The following MICAL2 variants were observed in gnomAD, a reference collection of about 807,000 sequenced individuals.
The protein encoded by MICAL2 is [F-actin]-monooxygenase MICAL2.
MICAL2 carries 77 observed loss-of-function variants against 127.3 expected under a neutral mutation model. That is an observed-to-expected ratio of 0.60 (90% CI 0.50 to 0.73). MICAL2 has a LOEUF of 0.73. Among genes scored for constraint, MICAL2 ranks in the 30% least tolerant of loss-of-function variants. MICAL2 has a pLI of 0.00. For missense variants in MICAL2, 1,351 were observed against 1,434.4 expected (o/e 0.94, Z 0.94); for synonymous variants, 570 against 551.1 (o/e 1.03, Z -0.48).
intron 16 of MICAL2, 58 bp from the exon 17 acceptor site, chr11:12,239,378 C>T: frequency 3.1e-6 from 5 of 1,610,472 alleles, no homozygotes; most frequent in Non-Finnish European, 4.2e-6. Flanking sequence ...CCCAAGTCTG[C>T]TTTCTGATAT....
intron 3 of MICAL2, among the ~76,000 whole-genome samples, chr11:12,188,087 C>T (rs1443995920): frequency 3.3e-5 from 5 of 152,176 alleles, no homozygotes; most frequent in Admixed American, 6.5e-5. Flanking sequence ...TCACAAGCCA[C>T]GTGGCTAGGG....
chr11:12,291,353 G>A (rs1271969225), downstream of MICAL2, among the ~76,000 whole-genome samples: 7 of 152,088 alleles, frequency 4.6e-5, no homozygotes, highest in Admixed American at 4.6e-4. Context: ...GAGAGGGAGA[G>A]GAAGACAGTG....
chr11:12,174,746 C>A (rs112159174), intron 3 of MICAL2, among the ~76,000 whole-genome samples: 5 of 152,210 alleles, frequency 3.3e-5, no homozygotes, highest in African/African-American at 1.2e-4. Flanking sequence ...TTTTGAGGAA[C>A]CACCAAACTG....
chr11:12,111,973 T>C (rs1391142608), intron 1 of MICAL2, among the ~76,000 whole-genome samples: 10 of 152,242 alleles, frequency 6.6e-5, no homozygotes. Flanking sequence ...GACGGACTTA[T>C]TAAGTGCCTA....
Position 12,345,223 on chromosome 11 carries a change from A to G in MICAL2, c.5516-4615A>G, listed in dbSNP as rs1938935729. On this transcript the variant is annotated intron_variant, in intron 32 of 34. Coordinates refer to the MICAL2 transcript ENST00000646065. ...TGTTTCGTGAGAAGCTGTGAAAAACAAATGTCATTTCTTTTTCTGGATGGA... is the reference window on the plus strand; with the variant it reads ...TGTTTCGTGAGAAGCTGTGAAAAACGAATGTCATTTCTTTTTCTGGATGGA... 2.0e-5 allele frequency among the ~76,000 whole-genome samples: 3 copies of G among 152,372 alleles called. No individual in the cohort carries two copies. The South Asian group carries it at 6.2e-4, about 32-fold the overall frequency.
chr11:12,311,458 C>T (rs879331967), intron 29 of MICAL2, among the ~76,000 whole-genome samples: 1 of 152,000 alleles, frequency 6.6e-6, no homozygotes. Flanking sequence ...GTTGCCCAGG[C>T]TGGAGTGCAG....
In MICAL2 at chr11:12,241,115, A is replaced by G; in HGVS notation, c.2290A>G (p.Lys764Glu). 1 of 1,614,052 alleles carries G rather than the reference A, an allele frequency of 6.2e-7. No homozygotes were observed. The highest frequency in any genetic ancestry group is 8.5e-7 in the Non-Finnish European group (1 of 1,180,004). Residue 764 changes from lysine (K) to glutamate (E), a missense_variant, in exon 18 of 28, where the codon AAG becomes GAG. Lys to Glu is a moderately conservative substitution (Grantham distance 56). Coordinates refer to ENST00000683283, the MANE Select transcript of MICAL2 (RefSeq NM_001282663.2). ...CCCTCCTGTTCACTCTTGCTGCCCC[A>G]AGCCGGAGGAGGCCACACCCAGCCC... is the stretch of plus-strand genomic sequence containing the variant. ...SGPPVHSCCP[K>E]PEEATPSPSP...
At chr11:12,237,754 C>G (rs1484517395) in intron 16 of MICAL2, among the ~76,000 whole-genome samples, 1 of 152,190 alleles carries the variant, frequency 6.6e-6, no homozygotes, top group Non-Finnish European at 1.5e-5. Flanking sequence ...GATCCAGGAG[C>G]AGCAGCAGCA....
At chr11:12,258,914 A>G (rs1590685398) in intron 25 of MICAL2, among the ~76,000 whole-genome samples, 1 of 152,242 alleles carries the variant, frequency 6.6e-6, no homozygotes, top group East Asian at 1.9e-4. Flanking sequence ...GTTTGCAAGA[A>G]TGCCTGGTAT....
intron 15 of MICAL2, among the ~76,000 whole-genome samples, chr11:12,232,411 T>C (rs1858411225): frequency 6.6e-6 from 1 of 152,190 alleles, no homozygotes; most frequent in South Asian, 2.1e-4. Flanking sequence ...AAGCCAGAAG[T>C]AGAACTCAGA....
upstream of MICAL2, chr11:12,274,409 CAAT>C (rs1329760685): frequency 6.6e-6 from 1 of 151,934 alleles, no homozygotes; most frequent in Non-Finnish European, 1.5e-5. Context: ...AAGAAAGAGA[CAAT>C]AAACAAAATG....
At chr11:12,347,282 G>T (rs980529308) in intron 32 of MICAL2, among the ~76,000 whole-genome samples, 1 of 152,154 alleles carries the variant, frequency 6.6e-6, no homozygotes, top group Non-Finnish European at 1.5e-5. Flanking sequence ...AGTGCTTTTT[G>T]TTGCTTTATT....
intron 1 of MICAL2, among the ~76,000 whole-genome samples, chr11:12,278,021 T>C (rs1863738844): frequency 6.6e-6 from 1 of 152,150 alleles, no homozygotes; most frequent in Non-Finnish European, 1.5e-5. Context: ...AAAAAATGGT[T>C]CACCTATATA....
At chr11:12,239,773 G>A (rs1242117867) in intron 17 of MICAL2, among the ~76,000 whole-genome samples, 188 bp downstream of exon 17, 1 of 152,230 alleles carries the variant, frequency 6.6e-6, no homozygotes, top group Non-Finnish European at 1.5e-5. Context: ...TGCTTTGGAA[G>A]CCATACTGTC....
Position 12,308,319 on chromosome 11 carries a change from A to C in MICAL2, c.5213-11377A>C, listed in dbSNP as rs111554789. 260 of 152,332 alleles carry C rather than the reference A, an allele frequency of 1.7e-3. 1 individual carries two copies. The highest frequency in any genetic ancestry group is 6.0e-3 in the African/African-American group (249 of 41,572). 9.4% of individuals were successfully genotyped at this position (152,332 alleles called of 1,614,324 possible). On this transcript the variant is annotated intron_variant, in intron 29 of 34. Coordinates refer to the MICAL2 transcript ENST00000646065. ...TTAGCTTATCAGTTTCTACCAAAGA[A>C]GCCTACTGGAATTTTGCTTGTTATC...
intron 3 of MICAL2, among the ~76,000 whole-genome samples, chr11:12,193,059 C>T (rs1445747872): frequency 6.6e-6 from 1 of 152,172 alleles, no homozygotes; most frequent in Non-Finnish European, 1.5e-5. Context: ...CCTCACTACA[C>T]CACCATATCC....
At chr11:12,245,930 GC>G (rs1219822193) in intron 21 of MICAL2, among the ~76,000 whole-genome samples, 1 of 152,230 alleles carries the variant, frequency 6.6e-6, no homozygotes, top group East Asian at 1.9e-4. Context: ...AGTGGCTTGT[GC>G]CCATAGTTGG....
chr11:12,346,214 G>A (rs2134891626), intron 32 of MICAL2, among the ~76,000 whole-genome samples: 1 of 152,284 alleles, frequency 6.6e-6, no homozygotes. Context: ...TTCCTGCACT[G>A]GCTCATGGCT....
In MICAL2 at chr11:12,213,465, A is replaced by C. The variant is rs941582283; in HGVS notation, c.847+55A>C. On this transcript the variant is annotated intron_variant, in intron 7 of 27. Transcript: ENST00000683283. Reference sequence around the variant, plus strand: ...CCAAGGTCTAAAGTTTGCAGTTTCTAAAGTGTGCAGAGGCGTGTGCTGGCT... The same window carrying C: ...CCAAGGTCTAAAGTTTGCAGTTTCTCAAGTGTGCAGAGGCGTGTGCTGGCT... The C allele has an allele frequency of 5.1e-6, 8 of 1,581,542 alleles. No homozygotes were observed. In the African/African-American group the frequency reaches 9.5e-5, roughly 19 times the overall value.
Sources: gnomAD v4.1 joint callset for allele counts (sites outside exome capture counted in the v4.1 genomes callset) on GRCh38, gnomAD v4.1.1 for gene constraint, MANE v1.5 for transcripts, NCBI Gene and HGNC (gene_info 2026-07-23, HGNC 2026-07-21) for gene names.